TMEM91: variants seen among roughly 807,000 people sequenced by gnomAD.
TMEM91 encodes the protein dispanin subfamily C member 3.
In TMEM91, 6 loss-of-function variants were observed where a neutral mutation model predicts 13.3. The ratio of observed to expected loss-of-function variants is 0.45; its 90% CI spans 0.25 to 0.89. The LOEUF (loss-of-function observed/expected upper bound fraction) is 0.89, where lower values mean the gene tolerates loss of function less well. Ranked by LOEUF, TMEM91 falls within the 40% of genes least tolerant of loss-of-function variation. The pLI, the probability that TMEM91 is intolerant of heterozygous loss-of-function variation, is 0.19. For synonymous variants in TMEM91, 87 were observed against 101.7 expected (o/e 0.86, Z 0.87); for missense variants, 193 against 228.7 (o/e 0.84, Z 1.01).
chr19:41,373,088 A>G (rs188716311), upstream of TMEM91, among the ~76,000 whole-genome samples: 4 of 152,198 alleles, frequency 2.6e-5, no homozygotes, highest in African/African-American at 9.6e-5. Flanking sequence ...ACAGACATGC[A>G]TCACCACACC....
chr19:41,368,090 TA>T (rs1344454438), intron 1 of TMEM91, among the ~76,000 whole-genome samples: 2 of 152,126 alleles, frequency 1.3e-5, no homozygotes, highest in African/African-American at 2.4e-5. Flanking sequence ...CCAACAGCTT[TA>T]AGTTTGAATT....
At position 41,380,340 on chromosome 19, in the gene TMEM91, T is replaced by C. The variant is rs150442715; in HGVS notation, c.210+1821T>C. Among the ~76,000 whole-genome samples, 15 of 152,314 alleles carry C rather than the reference T, an allele frequency of 9.8e-5. 1 individual carries two copies. Among genetic ancestry groups the C allele is most frequent in the Non-Finnish European group, 1.5e-5 (1 of 68,024 alleles). On this transcript the variant is annotated intron_variant, in intron 2 of 3. Transcript: ENST00000392002. ...AAAGCAGAAGCTGCCTCACCTTTTC[T>C]GATTTCGCTTTGGAAGTCACGTAAC...
At chr19:41,366,180 G>T (rs1286450570) in intron 1 of TMEM91, among the ~76,000 whole-genome samples, 2 of 149,688 alleles carry the variant, frequency 1.3e-5, no homozygotes, top group Admixed American at 6.7e-5. Context: ...TGGGGAAAAT[G>T]TATTTATTTA....
chr19:41,370,118 C>T (rs2038591089), intron 1 of TMEM91, among the ~76,000 whole-genome samples: 1 of 152,058 alleles, frequency 6.6e-6, no homozygotes. Context: ...ACTCTTGCTG[C>T]CCATGCTGGA....
upstream of TMEM91, among the ~76,000 whole-genome samples, chr19:41,371,928 G>A (rs1423733546): frequency 6.6e-6 from 1 of 151,762 alleles, no homozygotes; most frequent in East Asian, 1.9e-4. Flanking sequence ...AGACTATAGT[G>A]CAGTGGCTAT....
chr19:41,375,697 T>TA (rs1351080398), upstream of TMEM91, among the ~76,000 whole-genome samples: 8 of 150,220 alleles, frequency 5.3e-5, no homozygotes, highest in African/African-American at 1.7e-4. Context: ...CTCACACCTG[T>TA]AATCCCACCG....
At chr19:41,375,586 C>T (rs1403942486), upstream of TMEM91, among the ~76,000 whole-genome samples, 1 of 151,118 alleles carries the variant, frequency 6.6e-6, no homozygotes, top group East Asian at 2.0e-4. Context: ...CCCGTGAGCC[C>T]GTTTCTTTAT....
rs11375696 is a variant in TMEM91, at chr19:41,366,052, CTTTTTTT to C, written c.-30+1971_-30+1977del. ...TTTTCTTTTTTATTTTATTTATTTA[CTTTTTTT>C]TTTTTTTTTTTTTGAGACAGAATCT... On this transcript the variant is annotated intron_variant, in intron 1 of 3. Coordinates refer to the TMEM91 transcript ENST00000413014. Among the ~76,000 whole-genome samples, 15 of 105,832 alleles carry C rather than the reference CTTTTTTT, an allele frequency of 1.4e-4. No individual in the cohort carries two copies. The East Asian group carries it at 2.7e-3, about 19-fold the overall frequency. The allele number at this position is 105,832 out of a possible 152,430, so 69.4% of individuals were successfully genotyped here.
At chr19:41,367,624 A>G (rs2038549243) in intron 1 of TMEM91, among the ~76,000 whole-genome samples, 1 of 152,134 alleles carries the variant, frequency 6.6e-6, no homozygotes, top group Admixed American at 6.6e-5. Flanking sequence ...AGAGTGAGAC[A>G]AAGTCTCAAA....
At chr19:41,379,888 CTTTTTTTTTT>C (rs59525203) in intron 2 of TMEM91, among the ~76,000 whole-genome samples, 1 of 75,136 alleles carries the variant, frequency 1.3e-5, no homozygotes, top group Non-Finnish European at 2.4e-5. Flanking sequence ...TTAGGGCTTC[CTTTTTTTTTT>C]TTTTTTTTTT....
chr19:41,378,302 C>T lies in TMEM91; in HGVS notation c.-8C>T. The T allele has an allele frequency of 6.2e-7, 1 of 1,610,762 alleles. No individual in the cohort carries two copies. Among genetic ancestry groups the T allele is most frequent in the Non-Finnish European group, 8.5e-7 (1 of 1,177,400 alleles). On this transcript the variant is annotated 5_prime_UTR_variant, in exon 2 of 4. Coordinates refer to ENST00000392002, the MANE Select transcript of TMEM91 (RefSeq NM_001098821.2). ...CTAGGAAACCCCTCCTGGAGTTTCCCCAAAGCCATGGACAGCCCTAGTCTT... is the reference window on the plus strand; with the variant it reads ...CTAGGAAACCCCTCCTGGAGTTTCCTCAAAGCCATGGACAGCCCTAGTCTT...
At chr19:41,374,316 A>G (rs1405669923), upstream of TMEM91, 1 of 152,222 alleles carries the variant, frequency 6.6e-6, no homozygotes, top group Non-Finnish European at 1.5e-5. Context: ...GGCCTATACA[A>G]GGCTCCATGA....
chr19:41,370,953 T>A (rs1438229765), intron 1 of TMEM91, among the ~76,000 whole-genome samples: 1 of 151,960 alleles, frequency 6.6e-6, no homozygotes, highest in East Asian at 1.9e-4. Flanking sequence ...TCAGCCCGCC[T>A]CGGCCTCCTA....
In TMEM91 at chr19:41,378,266, TC is replaced by T. The variant is rs1400217980; in HGVS notation, c.-29-10del. On this transcript the variant is annotated splice_polypyrimidine_tract_variant and intron_variant, in intron 1 of 3. Coordinates refer to ENST00000392002, the MANE Select transcript of TMEM91 (RefSeq NM_001098821.2). ...AGACTTTTACAACTTGTCTTTTTCT[TC>T]CCCCTACCCCTAGGAAACCCCTCCT... 9 of 1,576,422 alleles carry T rather than the reference TC, an allele frequency of 5.7e-6. No homozygotes were observed. The highest frequency in any genetic ancestry group is 2.3e-5 in the East Asian group (1 of 44,384).
chr19:41,376,600 C>A lies in TMEM91; in HGVS notation c.-284C>A, dbSNP rs976154451. 6.6e-6 allele frequency: 1 copy of A among 152,234 alleles called. No homozygotes were observed. Among genetic ancestry groups the A allele is most frequent in the African/African-American group, 2.4e-5 (1 of 41,444 alleles). The allele number at this position is 152,234 out of a possible 1,614,324, so 9.4% of individuals were successfully genotyped here. On this transcript the variant is annotated 5_prime_UTR_variant, in exon 1 of 4. Transcript: ENST00000392002. ...CAAGGATTCCCGCCTGCTCCCAGAC[C>A]CCCGGGAGTCGTAGGAACCCGTTCC...
At chr19:41,366,462 C>T (rs1441226492) in intron 1 of TMEM91, among the ~76,000 whole-genome samples, 2 of 152,118 alleles carry the variant, frequency 1.3e-5, no homozygotes, top group East Asian at 3.8e-4. Flanking sequence ...CTTTGCCAAC[C>T]CCTCTAGTTT....
intron 1 of TMEM91, among the ~76,000 whole-genome samples, chr19:41,371,366 CT>C (rs1555758490): frequency 1.6e-5 from 2 of 128,122 alleles, no homozygotes; most frequent in African/African-American, 6.1e-5. Flanking sequence ...TCCTTCCTTC[CT>C]TCTTTCCTTC....
intron 2 of TMEM91, among the ~76,000 whole-genome samples, chr19:41,380,145 T>G (rs2038844880): frequency 6.6e-6 from 1 of 151,992 alleles, no homozygotes; most frequent in Admixed American, 6.6e-5. Flanking sequence ...TCCACCCACC[T>G]CAGCCTCCCA....
At chr19:41,380,092 A>C (rs2038843937) in intron 2 of TMEM91, among the ~76,000 whole-genome samples, 1 of 151,468 alleles carries the variant, frequency 6.6e-6, no homozygotes, top group African/African-American at 2.4e-5. Flanking sequence ...ACAGGGTTTC[A>C]CTATGTTGGT....
Sources: allele counts gnomAD v4.1 joint callset (sites outside exome capture counted in the v4.1 genomes callset), GRCh38; gene constraint gnomAD v4.1.1; transcripts MANE v1.5; gene names NCBI Gene and HGNC (gene_info 2026-07-23, HGNC 2026-07-21).